The following PREX2 variants were observed in gnomAD, a reference collection of about 807,000 sequenced individuals.
PREX2 encodes phosphatidylinositol 3,4,5-trisphosphate-dependent Rac exchanger 2 protein.
In PREX2, 107 loss-of-function variants were observed where a neutral mutation model predicts 203.2. The observed-to-expected ratio is 0.53, with a 90% CI of 0.45 to 0.62. The LOEUF is 0.62. PREX2 is among the 20% of genes least tolerant of loss of function. The probability of loss-of-function intolerance (pLI) is 0.00; values close to 1 mark genes in which losing one functional copy is unlikely to be tolerated. For missense variants in PREX2, 1,777 were observed against 1,955.9 expected (o/e 0.91, Z 1.72); for synonymous variants, 672 against 663.6 (o/e 1.01, Z -0.19).
At chr8:68,053,308 A>T (rs1264437858) in intron 9 of PREX2, 62 bp downstream of exon 9, 19 of 1,537,432 alleles carry the variant, frequency 1.2e-5, no homozygotes, top group Non-Finnish European at 1.7e-5. Flanking sequence ...ATAGGAGCAG[A>T]TAATGGGAAA....
intron 37 of PREX2, among the ~76,000 whole-genome samples, chr8:68,196,720 C>T (rs1220180913): frequency 6.9e-6 from 1 of 144,310 alleles, no homozygotes; most frequent in Non-Finnish European, 1.5e-5. Context: ...AGATGTATGG[C>T]ACCTCCCCCC....
chr8:68,122,854 T>C (rs77654465), intron 30 of PREX2, among the ~76,000 whole-genome samples: 7,305 of 152,122 alleles, frequency 0.048, 524 homozygotes, highest in African/African-American at 0.16. Flanking sequence ...TTTGATTGTG[T>C]TATTGTCTGA....
chr8:68,005,472 C>T (rs562885754), intron 1 of PREX2, among the ~76,000 whole-genome samples: 5 of 152,186 alleles, frequency 3.3e-5, no homozygotes, highest in African/African-American at 4.8e-5. Flanking sequence ...TCTCCACTGC[C>T]ATCACCCAGG....
At chr8:68,212,495 A>G (rs1812758562) in intron 37 of PREX2, among the ~76,000 whole-genome samples, 1 of 152,228 alleles carries the variant, frequency 6.6e-6, no homozygotes, top group African/African-American at 2.4e-5. Flanking sequence ...AGAAAATTAC[A>G]AAACAAAATA....
chr8:68,124,212 A>G (rs1810841092), intron 30 of PREX2, among the ~76,000 whole-genome samples: 1 of 152,154 alleles, frequency 6.6e-6, no homozygotes, highest in Admixed American at 6.6e-5. Flanking sequence ...AGGACTGCTC[A>G]CAATACCAAA....
chr8:67,990,346 G>A (rs72660836), intron 1 of PREX2, among the ~76,000 whole-genome samples: 1 of 151,516 alleles, frequency 6.6e-6, no homozygotes, highest in Non-Finnish European at 1.5e-5. Context: ...TGTGCCATAG[G>A]TCAGTGGCTC....
chr8:68,206,271 G>A (rs1035341216), intron 37 of PREX2, among the ~76,000 whole-genome samples: 1 of 152,176 alleles, frequency 6.6e-6, no homozygotes, highest in Admixed American at 6.5e-5. Flanking sequence ...GATTAAAAGA[G>A]CAGCGTATGT....
intron 1 of PREX2, among the ~76,000 whole-genome samples, chr8:67,960,746 G>A (rs1199525527): frequency 6.6e-6 from 1 of 151,984 alleles, no homozygotes; most frequent in Non-Finnish European, 1.5e-5. Flanking sequence ...CTCTTGTTTT[G>A]TTGTTTGTTG....
chr8:68,188,416 TGGA>T (rs1812232167), intron 35 of PREX2, among the ~76,000 whole-genome samples: 44 of 152,128 alleles, frequency 2.9e-4, no homozygotes, highest in Admixed American at 2.9e-3. Context: ...GCCAACAAAA[TGGA>T]CCATTAAAAT....
chr8:68,085,002 A>G (rs537644728), intron 18 of PREX2, among the ~76,000 whole-genome samples: 2 of 152,198 alleles, frequency 1.3e-5, no homozygotes, highest in African/African-American at 4.8e-5. Context: ...GATGAGCAGA[A>G]TAGCAATCTG....
intron 8 of PREX2, among the ~76,000 whole-genome samples, chr8:68,046,698 A>C (rs995817518): frequency 6.6e-6 from 1 of 152,062 alleles, no homozygotes; most frequent in Non-Finnish European, 1.5e-5. Flanking sequence ...CATTTATTAC[A>C]TCTTGTATTA....
At chr8:68,118,342 G>A (rs1310529980) in intron 26 of PREX2, among the ~76,000 whole-genome samples, 10 of 144,436 alleles carry the variant, frequency 6.9e-5, no homozygotes, top group East Asian at 2.0e-4. Flanking sequence ...GAGACAGAGC[G>A]AAACTCCGTC....
intron 17 of PREX2, among the ~76,000 whole-genome samples, chr8:68,081,426 A>G (rs1344193115): frequency 6.6e-6 from 1 of 151,992 alleles, no homozygotes; most frequent in Non-Finnish European, 1.5e-5. Context: ...AGAGTCCTTC[A>G]ACTGTGAACT....
intron 1 of PREX2, among the ~76,000 whole-genome samples, chr8:68,005,837 A>G (rs1022910939): frequency 6.6e-6 from 1 of 151,984 alleles, no homozygotes; most frequent in African/African-American, 2.4e-5. Flanking sequence ...TGGCCTTTCC[A>G]TTGTTATTCA....
At chr8:68,181,463 AATTC>A in intron 35 of PREX2, among the ~76,000 whole-genome samples, 1 of 152,126 alleles carries the variant, frequency 6.6e-6, no homozygotes, top group African/African-American at 2.4e-5. Flanking sequence ...AGATGGTGAC[AATTC>A]CATACTGCTT....
chr8:68,083,136 C>A, intron 17 of PREX2, 104 bp from the exon 18 acceptor site: 2 of 753,794 alleles, frequency 2.7e-6, no homozygotes, highest in Non-Finnish European at 4.2e-6. Context: ...GTTAAAATGT[C>A]AATATCTATA....
chr8:68,049,946 C>G (rs950953884), intron 8 of PREX2, among the ~76,000 whole-genome samples: 2 of 151,788 alleles, frequency 1.3e-5, no homozygotes, highest in Non-Finnish European at 2.9e-5. Flanking sequence ...AAATGAGAAG[C>G]AATTGCTTAT....
chr8:68,050,522 A>G (rs1448308173), intron 8 of PREX2, among the ~76,000 whole-genome samples: 1 of 152,104 alleles, frequency 6.6e-6, no homozygotes, highest in African/African-American at 2.4e-5. Flanking sequence ...CCGTTATCCA[A>G]TCTCCTCCCA....
chr8:68,091,702 T>A (rs1020729069), intron 20 of PREX2, among the ~76,000 whole-genome samples: 1 of 152,226 alleles, frequency 6.6e-6, no homozygotes, highest in Non-Finnish European at 1.5e-5. Flanking sequence ...TGTTGAACTG[T>A]ATTATTGAAT....
Sources: allele counts gnomAD v4.1 joint callset (sites outside exome capture counted in the v4.1 genomes callset), GRCh38; gene constraint gnomAD v4.1.1; transcripts MANE v1.5; gene names NCBI Gene and HGNC (gene_info 2026-07-23, HGNC 2026-07-21).